The following ANKLE2 variants were observed in gnomAD, a reference collection of about 807,000 sequenced individuals.
ANKLE2 encodes the protein ankyrin repeat and LEM domain containing 2.
A neutral mutation model predicts 84.2 loss-of-function variants in ANKLE2; 55 were observed. The observed-to-expected ratio is 0.65, with a 90% CI of 0.53 to 0.82. The LOEUF (loss-of-function observed/expected upper bound fraction) is 0.82. Ranked by LOEUF, ANKLE2 falls within the 40% of genes least tolerant of loss-of-function variation. The pLI, the probability that ANKLE2 is intolerant of heterozygous loss-of-function variation, is 0.00. For missense variants in ANKLE2, 1,238 were observed against 1,201.9 expected (o/e 1.03, Z -0.44); for synonymous variants, 551 against 486.1 (o/e 1.13, Z -1.76).
chr12:132,727,579 CG>C lies in ANKLE2; in HGVS notation c.2616-137del, dbSNP rs1220211402. 4 of 678,372 alleles carry C rather than the reference CG, an allele frequency of 5.9e-6. No individual in the cohort carries two copies. In the African/African-American group the frequency reaches 8.3e-5, roughly 14 times the overall value. The allele number at this position is 678,372 out of a possible 1,614,324, so 42.0% of individuals were successfully genotyped here. ...GAGGCACTGGTGAACCCTGGCACCG[CG>C]GGCACACACGCCCGGGTGGAAGAGA... On this transcript the variant is annotated intron_variant, in intron 12 of 12. Transcript: ENST00000357997.
chr12:132,727,287 G>T lies in ANKLE2; in HGVS notation c.2772C>A (p.Ser924Arg). The T allele has an allele frequency of 6.4e-7, 1 of 1,566,992 alleles. No individual in the cohort carries two copies. Among genetic ancestry groups the T allele is most frequent in the Middle Eastern group, 1.7e-4 (1 of 6,014 alleles). ...SPGRYSPVHG[S>R]QLRRMARLAE... ...CCAGGCGCGCCATCCTGCGGAGCTG[G>T]CTCCCGTGCACGGGGCTGTAGCGCC... Residue 924 changes from serine to arginine, a missense_variant, in exon 13 of 13, where the codon AGC becomes AGA. Coordinates refer to ENST00000357997, the MANE Select transcript of ANKLE2 (RefSeq NM_015114.3).
At chr12:132,761,424 G>A in intron 1 of ANKLE2, 194 bp downstream of exon 1, 1 of 422,102 alleles carries the variant, frequency 2.4e-6, no homozygotes, top group Non-Finnish European at 3.8e-6. Flanking sequence ...TCCGCCCCCG[G>A]CCCGGGAAGC....
chr12:132,747,413 C>A (rs1032157507), intron 5 of ANKLE2, among the ~76,000 whole-genome samples: 1 of 152,088 alleles, frequency 6.6e-6, no homozygotes, highest in Non-Finnish European at 1.5e-5. Flanking sequence ...CACAGCCCTG[C>A]GTGTCAGGCA....
chr12:132,759,928 A>G (rs528874324), intron 1 of ANKLE2: 3 of 151,548 alleles, frequency 2.0e-5, no homozygotes, highest in Admixed American at 6.6e-5. Context: ...GAGGTCAGGA[A>G]TTCGAGACCA....
intron 7 of ANKLE2, among the ~76,000 whole-genome samples, chr12:132,739,876 C>A (rs2044086365): frequency 6.6e-6 from 1 of 151,612 alleles, no homozygotes; most frequent in Admixed American, 6.6e-5. Flanking sequence ...GGTGTAGGAG[C>A]TCTGGAGGTG....
At chr12:132,735,237 C>CTAGA in intron 9 of ANKLE2, 169 bp downstream of exon 9, 1 of 657,838 alleles carries the variant, frequency 1.5e-6, no homozygotes, top group South Asian at 1.8e-5. Context: ...CTGGCTTAAG[C>CTAGA]TAGAATTCCA....
chr12:132,759,010 CCACGTGGCAG>C (rs2044547278), intron 1 of ANKLE2: 20 of 145,316 alleles, frequency 1.4e-4, no homozygotes, highest in Admixed American at 4.3e-4. Flanking sequence ...CCCGGGGCAC[CCACGTGGCAG>C]AGTGGATCGC....
intron 12 of ANKLE2, 89 bp from the exon 13 acceptor site, chr12:132,727,532 G>A (rs2043725330): frequency 6.8e-7 from 1 of 1,466,942 alleles, no homozygotes; most frequent in Non-Finnish European, 9.3e-7. Flanking sequence ...CCAGACTCAG[G>A]CACATGCGCC....
chr12:132,753,923 CCT>C (rs774673748), intron 2 of ANKLE2, among the ~76,000 whole-genome samples: 16 of 152,008 alleles, frequency 1.1e-4, no homozygotes, highest in South Asian at 6.2e-4. Flanking sequence ...AGAGTAACAC[CCT>C]GTTTCAGATG....
chr12:132,744,741 C>T (rs538383099), intron 5 of ANKLE2, among the ~76,000 whole-genome samples: 193 of 152,170 alleles, frequency 1.3e-3, no homozygotes, highest in African/African-American at 3.7e-3. Context: ...AGTGCAGTGG[C>T]GTGATATGGG....
intron 7 of ANKLE2, among the ~76,000 whole-genome samples, chr12:132,739,725 G>C (rs917297809): frequency 6.6e-6 from 1 of 152,246 alleles, no homozygotes; most frequent in Admixed American, 6.5e-5. Context: ...CTGAGTGACG[G>C]GAAGGGTGGG....
chr12:132,740,874 G>A (rs35570604), intron 7 of ANKLE2, among the ~76,000 whole-genome samples: 11,086 of 81,434 alleles, frequency 0.14, 585 homozygotes, highest in Non-Finnish European at 0.27. Flanking sequence ...TGGGGAGGGA[G>A]TGTCCCGGAG....
At chr12:132,733,037 T>C (rs1291848587) in intron 10 of ANKLE2, among the ~76,000 whole-genome samples, 1 of 146,444 alleles carries the variant, frequency 6.8e-6, no homozygotes, top group East Asian at 2.1e-4. Flanking sequence ...TGCGTCCTGG[T>C]GTCTGATATG....
At chr12:132,734,268 G>T in intron 10 of ANKLE2, 117 bp downstream of exon 10, 1 of 1,121,112 alleles carries the variant, frequency 8.9e-7, no homozygotes, top group Non-Finnish European at 1.3e-6. Context: ...CTAAGGGAAA[G>T]TACCAGACCT....
chr12:132,738,922 A>G (rs1265576975), intron 7 of ANKLE2: 1 of 152,186 alleles, frequency 6.6e-6, no homozygotes, highest in Non-Finnish European at 1.5e-5. Flanking sequence ...GTACATATAT[A>G]CCACAGGATA....
intron 7 of ANKLE2, 87 bp downstream of exon 7, chr12:132,741,332 G>C: frequency 7.3e-7 from 1 of 1,375,360 alleles, no homozygotes; most frequent in Non-Finnish European, 1.0e-6. Context: ...GGGAGCTCAG[G>C]AAAGCAAAGC....
Position 132,737,257 on chromosome 12 carries a change from CA to C in ANKLE2, c.1421-193del, listed in dbSNP as rs1002984917. 3.2e-5 allele frequency: 17 copies of C among 538,318 alleles called. No individual in the cohort carries two copies. In the Middle Eastern group the frequency reaches 2.0e-3, roughly 64 times the overall value. The allele number at this position is 538,318 out of a possible 1,614,324, so 33.3% of individuals were successfully genotyped here. On this transcript the variant is annotated intron_variant, in intron 7 of 12. Coordinates refer to ENST00000357997, the MANE Select transcript of ANKLE2 (RefSeq NM_015114.3). Reference sequence around the variant, plus strand: ...TGGATACAATGGAAACAAAGTCACACAAGGTCTCAGAGCTCACTTCACTTAA... The same window carrying C: ...TGGATACAATGGAAACAAAGTCACACAGGTCTCAGAGCTCACTTCACTTAA...
At chr12:132,737,288 C>A (rs1020495692) in intron 7 of ANKLE2, 9 of 456,414 alleles carry the variant, frequency 2.0e-5, no homozygotes, top group African/African-American at 3.9e-5. Flanking sequence ...ACTTAACCAG[C>A]CTCATTTTCC....
intron 1 of ANKLE2, chr12:132,760,149 A>AG (rs1464195797): frequency 6.6e-6 from 1 of 151,744 alleles, no homozygotes; most frequent in East Asian, 1.9e-4. Flanking sequence ...AAAAAAAAAA[A>AG]AAAAGTGGTA....
Sources: gnomAD v4.1 joint callset for allele counts (sites outside exome capture counted in the v4.1 genomes callset) on GRCh38, gnomAD v4.1.1 for gene constraint, MANE v1.5 for transcripts, NCBI Gene and HGNC (gene_info 2026-07-23, HGNC 2026-07-21) for gene names.